The following GPRIN3 variants were observed in gnomAD, a reference collection of about 807,000 sequenced individuals.
The protein encoded by GPRIN3 is G protein-regulated inducer of neurite outgrowth 3.
Under a neutral mutation model 13.7 loss-of-function variants are expected in GPRIN3, and 12 were observed. The ratio of observed to expected loss-of-function variants is 0.87; its 90% CI spans 0.56 to 1.42. The LOEUF is 1.42. Among genes scored for constraint, GPRIN3 ranks in the 40% most tolerant of loss-of-function variants. The pLI is 0.00. For synonymous variants in GPRIN3, 377 were observed against 372.7 expected (o/e 1.01, Z -0.13); for missense variants, 1,009 against 958.7 (o/e 1.05, Z -0.69).
chr4:89,249,894 T>C lies in GPRIN3; in HGVS notation c.217A>G (p.Thr73Ala). ...GGAGAAGACATATCTGGTTGGGTGG[T>C]CTCATGCTCACAAACCTGCATCAGG... ...EALMQVCEHE[T>A]TQPDMSSPGV... The change falls in exon 2 of 2, where the codon ACC becomes GCC. Residue 73 changes from threonine to alanine, a missense_variant. By Grantham distance (58) the Thr-to-Ala change is moderately conservative. Coordinates refer to ENST00000609438, the MANE Select transcript of GPRIN3 (RefSeq NM_198281.3). The C allele has an allele frequency of 6.2e-7, 1 of 1,614,158 alleles. No homozygotes were observed. Among genetic ancestry groups the C allele is most frequent in the South Asian group, 1.1e-5 (1 of 91,086 alleles).
chr4:89,281,357 CG>C (rs1302126888), intron 1 of GPRIN3, among the ~76,000 whole-genome samples: 8 of 152,104 alleles, frequency 5.3e-5, no homozygotes, highest in Admixed American at 4.6e-4. Context: ...CTCGTGACCT[CG>C]TGATCTGCCC....
At chr4:89,296,844 T>C (rs1368249029) in intron 1 of GPRIN3, among the ~76,000 whole-genome samples, 2 of 152,258 alleles carry the variant, frequency 1.3e-5, no homozygotes, top group Admixed American at 1.3e-4. Flanking sequence ...TAACCTAAAA[T>C]ATCTGTCCTT....
intron 1 of GPRIN3, among the ~76,000 whole-genome samples, chr4:89,290,500 C>T (rs527508818): frequency 6.6e-6 from 1 of 152,072 alleles, no homozygotes; most frequent in Non-Finnish European, 1.5e-5. Flanking sequence ...GCTTAGGATT[C>T]GCTGGAAGCA....
chr4:89,270,600 T>TATATATATATAA lies in GPRIN3; in HGVS notation c.-123-20368_-123-20367insTTATATATATAT, dbSNP rs1328112008. ...ATATATATATATATATATATATATA[T>TATATATATATAA]AAAATATAGATATATATGCAGCCTC... is the stretch of plus-strand genomic sequence containing the variant. On this transcript the variant is annotated intron_variant, in intron 1 of 1. Coordinates refer to ENST00000609438, the MANE Select transcript of GPRIN3 (RefSeq NM_198281.3). Among the ~76,000 whole-genome samples the TATATATATATAA allele has an allele frequency of 6.6e-5, 8 of 120,582 alleles. No individual in the cohort carries two copies. In the East Asian group the frequency reaches 9.7e-4, roughly 15 times the overall value. 79.1% of individuals were successfully genotyped at this position (120,582 alleles called of 152,430 possible).
chr4:89,260,349 G>A (rs1294557937), intron 1 of GPRIN3, among the ~76,000 whole-genome samples: 1 of 152,038 alleles, frequency 6.6e-6, no homozygotes, highest in Non-Finnish European at 1.5e-5. Flanking sequence ...GAGAATGTGG[G>A]GTGCTCTGCT....
chr4:89,260,486 T>C (rs1287365406), intron 1 of GPRIN3, among the ~76,000 whole-genome samples: 1 of 152,200 alleles, frequency 6.6e-6, no homozygotes, highest in Non-Finnish European at 1.5e-5. Flanking sequence ...TGTAAAACAT[T>C]AAGTTAGGCA....
Position 89,306,636 on chromosome 4 carries a change from C to CACCT in GPRIN3, c.-124+978_-124+979insAGGT, listed in dbSNP as rs371860496. Among the ~76,000 whole-genome samples the CACCT allele has an allele frequency of 3.4e-3, 516 of 152,294 alleles. 22 individuals carry two copies. In the South Asian group the frequency reaches 0.08, roughly 24 times the overall value. On this transcript the variant is annotated intron_variant, in intron 1 of 1. Transcript: ENST00000609438. ...ACACCTTACTCAAAGGTGGGTGCTTCTTGAGTGACTGCTCAGAGCTCTGTT... is the reference window on the plus strand; with the variant it reads ...ACACCTTACTCAAAGGTGGGTGCTTCACCTTTGAGTGACTGCTCAGAGCTCTGTT...
intron 1 of GPRIN3, among the ~76,000 whole-genome samples, chr4:89,270,581 A>AT (rs1403252531): frequency 0.012 from 1,158 of 100,132 alleles, 29 homozygotes; most frequent in African/African-American, 0.062. Context: ...ATATATATAT[A>AT]TATATATATA....
chr4:89,306,028 A>G lies in GPRIN3; in HGVS notation c.-124+1587T>C, dbSNP rs1177544662. 3.9e-5 allele frequency among the ~76,000 whole-genome samples: 6 copies of G among 152,152 alleles called. No homozygotes were observed. In the East Asian group the frequency reaches 1.2e-3, roughly 29 times the overall value. ...TGTTTCCAAAATAAATTTCAATCAT[A>G]TAACATCTAGGCCTGCAATTGCAAT... On this transcript the variant is annotated intron_variant, in intron 1 of 1. Transcript: ENST00000609438.
intron 1 of GPRIN3, among the ~76,000 whole-genome samples, chr4:89,255,980 G>A (rs1014989455): frequency 2.0e-5 from 3 of 152,116 alleles, no homozygotes; most frequent in Admixed American, 2.0e-4. Context: ...CGTGAGCAGA[G>A]ACTTAAAGCC....
rs1028228302 is a variant in GPRIN3 at position 89,239,078 on chromosome 4, T to C, written c.*8702A>G. ...CTTTTTTCTAGGAAATGAAGTTTTA[T>C]TGGTCAATATCTGGAGGATGAGAAC... On this transcript the variant is annotated 3_prime_UTR_variant, in exon 2 of 2. Transcript: ENST00000609438. The C allele has an allele frequency of 6.6e-6, 1 of 152,204 alleles. No homozygotes were observed. Among genetic ancestry groups the C allele is most frequent in the Non-Finnish European group, 1.5e-5 (1 of 68,022 alleles). The allele number at this position is 152,204 out of a possible 1,614,324, so 9.4% of individuals were successfully genotyped here.
intron 1 of GPRIN3, among the ~76,000 whole-genome samples, chr4:89,259,208 A>G (rs143290165): frequency 6.0e-4 from 92 of 152,312 alleles, no homozygotes; most frequent in African/African-American, 2.1e-3. Flanking sequence ...GGAGGAATAG[A>G]CTTTTTTGGT....
chr4:89,265,480 C>A (rs1723757319), intron 1 of GPRIN3, among the ~76,000 whole-genome samples: 1 of 152,036 alleles, frequency 6.6e-6, no homozygotes, highest in Admixed American at 6.5e-5. Context: ...AATATTCTTT[C>A]AAATTTGTCT....
chr4:89,281,147 G>A (rs866721014), intron 1 of GPRIN3, among the ~76,000 whole-genome samples: 31 of 151,294 alleles, frequency 2.0e-4, no homozygotes, highest in Middle Eastern at 6.8e-3. Context: ...TTTTTAGATA[G>A]AGTCTCGCTC....
rs747348083 is a variant in GPRIN3 at position 89,247,809 on chromosome 4, G to T, written c.2302C>A (p.Arg768Ser). 6.6e-5 allele frequency: 106 copies of T among 1,613,258 alleles called. No homozygotes were observed. Among genetic ancestry groups the T allele is most frequent in the East Asian group, 4.2e-4 (19 of 44,856 alleles). The change falls in exon 2 of 2, where the codon CGT becomes AGT. Residue 768 changes from arginine (R) to serine (S), a missense_variant. Physicochemically the swap from Arg to Ser is moderately radical, Grantham distance 110. Coordinates refer to ENST00000609438, the MANE Select transcript of GPRIN3 (RefSeq NM_198281.3). ...QNFRRPNCCV[R>S]PAPSSVLD is the part of the protein sequence containing the mutation. The stretch of plus-strand genomic sequence containing the variant: ...TCTAACACAGAAGACGGGGCAGGAC[G>T]GACGCAGCAGTTGGGGCGTCGGAAG...
At chr4:89,284,839 A>T (rs1037709195) in intron 1 of GPRIN3, among the ~76,000 whole-genome samples, 6 of 152,214 alleles carry the variant, frequency 3.9e-5, no homozygotes, top group African/African-American at 1.4e-4. Context: ...CATTTAGATT[A>T]TAGTTTAAAT....
chr4:89,299,872 G>T (rs1331508040), intron 1 of GPRIN3, among the ~76,000 whole-genome samples: 1 of 152,142 alleles, frequency 6.6e-6, no homozygotes, highest in African/African-American at 2.4e-5. Context: ...TAAAGATATG[G>T]TGCATTTAAA....
chr4:89,289,260 C>T (rs1034643096), intron 1 of GPRIN3, among the ~76,000 whole-genome samples: 5 of 151,544 alleles, frequency 3.3e-5, no homozygotes, highest in Non-Finnish European at 5.9e-5. Context: ...GATATCTGAC[C>T]TGCATATTCT....
At chr4:89,273,167 A>C (rs1249179502) in intron 1 of GPRIN3, among the ~76,000 whole-genome samples, 1 of 152,330 alleles carries the variant, frequency 6.6e-6, no homozygotes, top group East Asian at 1.9e-4. Flanking sequence ...TAATGCAATC[A>C]CCACTAAAAA....
Sources: allele counts gnomAD v4.1 joint callset (sites outside exome capture counted in the v4.1 genomes callset), GRCh38; gene constraint gnomAD v4.1.1; transcripts MANE v1.5; gene names NCBI Gene and HGNC (gene_info 2026-07-23, HGNC 2026-07-21).